Variants in GUCY1A2 observed in about 807,000 individuals in gnomAD.
The protein encoded by GUCY1A2 is guanylate cyclase soluble subunit alpha-2.
In GUCY1A2, 27 loss-of-function variants were observed where a neutral mutation model predicts 63.5. The ratio of observed to expected loss-of-function variants is 0.43; its 90% CI spans 0.31 to 0.59. The LOEUF (loss-of-function observed/expected upper bound fraction) is 0.59. GUCY1A2 is among the 20% of genes least tolerant of loss of function. The pLI, the probability that GUCY1A2 is intolerant of heterozygous loss-of-function variation, is 0.11. For missense variants in GUCY1A2, 768 were observed against 913.3 expected (o/e 0.84, Z 2.05); for synonymous variants, 364 against 343.5 (o/e 1.06, Z -0.66).
At chr11:106,889,392 A>T (rs751503301) in intron 4 of GUCY1A2, among the ~76,000 whole-genome samples, 18 of 152,174 alleles carry the variant, frequency 1.2e-4, no homozygotes, top group Non-Finnish European at 1.8e-4. Context: ...AGAGTCTCAT[A>T]AACTTCTGAA....
intron 6 of GUCY1A2, among the ~76,000 whole-genome samples, chr11:106,750,056 A>C (rs528328838): frequency 4.6e-5 from 7 of 152,194 alleles, no homozygotes; most frequent in African/African-American, 1.7e-4. Flanking sequence ...TTCTCAGTCC[A>C]AGTTGGAAAG....
chr11:106,957,889 T>TCC (rs1364009569), intron 3 of GUCY1A2, among the ~76,000 whole-genome samples: 1,407 of 99,780 alleles, frequency 0.014, 63 homozygotes, highest in Non-Finnish European at 0.021. Context: ...TTTTTTTTTT[T>TCC]CAGAAAAAAA....
chr11:106,736,716 TG>T (rs552285739), intron 6 of GUCY1A2, among the ~76,000 whole-genome samples: 473 of 152,330 alleles, frequency 3.1e-3, no homozygotes, highest in Non-Finnish European at 5.4e-3. Context: ...TAGATTGCTT[TG>T]GGTAGTATGA....
In GUCY1A2 at chr11:106,698,119, A is replaced by ATTTTTTTTTTTTTTTTTTTT. The variant is rs71470827; in HGVS notation, c.1992-10364_1992-10363insAAAAAAAAAAAAAAAAAAAA. Among the ~76,000 whole-genome samples the ATTTTTTTTTTTTTTTTTTTT allele has an allele frequency of 5.7e-4, 57 of 100,484 alleles. 3 individuals are homozygous for ATTTTTTTTTTTTTTTTTTTT. The highest frequency in any genetic ancestry group is 5.8e-4 in the Non-Finnish European group (30 of 52,018). The allele number at this position is 100,484 out of a possible 152,430, so 65.9% of individuals were successfully genotyped here. On this transcript the variant is annotated intron_variant, in intron 7 of 7. Coordinates refer to ENST00000526355, the MANE Select transcript of GUCY1A2 (RefSeq NM_000855.3). ...TTTACAGCTTTCACTGAATGTTAGA[A>ATTTTTTTTTTTTTTTTTTTT]TTTTTTTTTTTTTTTTTTTAGACAG...
At chr11:106,917,834 C>T (rs566678963) in intron 4 of GUCY1A2, among the ~76,000 whole-genome samples, 7 of 138,558 alleles carry the variant, frequency 5.1e-5, no homozygotes, top group South Asian at 2.8e-4. Context: ...GGGAGATATA[C>T]CTAATGTTAA....
chr11:106,909,595 T>C (rs1353038842), intron 4 of GUCY1A2, among the ~76,000 whole-genome samples: 1 of 151,930 alleles, frequency 6.6e-6, no homozygotes, highest in Non-Finnish European at 1.5e-5. Context: ...GTTATATAAA[T>C]TGAGTCATAC....
chr11:106,830,827 A>G (rs1029220592), intron 4 of GUCY1A2, among the ~76,000 whole-genome samples: 4 of 152,192 alleles, frequency 2.6e-5, no homozygotes, highest in African/African-American at 9.7e-5. Context: ...GAAATAATAC[A>G]TATCAAAAGC....
Position 106,939,538 on chromosome 11 carries a change from T to G in GUCY1A2, c.1128A>C (p.Glu376Asp). The G allele has an allele frequency of 6.2e-7, 1 of 1,614,010 alleles. No homozygotes were observed. ...GGGTAGACAGTCGCAGCAGGACCCT[T>G]TCAAAGGTGGCATTAACCTTTGGAG... ...IVSPKVNATFERVLLRLSTPF... is the reference protein window; with the variant it reads ...IVSPKVNATFDRVLLRLSTPF... The change falls in exon 4 of 8, where the codon GAA (glutamate) becomes GAC (aspartate). Residue 376 changes from glutamate (E) to aspartate (D), a missense_variant. Transcript: ENST00000526355.
At chr11:106,843,634 C>T (rs75217848) in intron 4 of GUCY1A2, among the ~76,000 whole-genome samples, 2,836 of 151,916 alleles carry the variant, frequency 0.019, 31 homozygotes, top group South Asian at 0.048. Context: ...AAAGGTTCTA[C>T]TTCTTCAAAC....
chr11:106,939,873 C>T lies in GUCY1A2; in HGVS notation c.793G>A (p.Asp265Asn), dbSNP rs1348673345. Residue 265 changes from aspartate (D) to asparagine (N), a missense_variant, in exon 4 of 8, where the codon GAT becomes AAT. Coordinates refer to ENST00000526355, the MANE Select transcript of GUCY1A2 (RefSeq NM_000855.3). ...TTTGCAACCTGTTCCACTTCCACAT[C>T]CAGCCGATAGATCTTCTTTCCTGCA... Reference protein sequence around the residue: ...KAAGKKIYRLDVEVEQVANEK... With the variant: ...KAAGKKIYRLNVEVEQVANEK... 1 of 1,614,048 alleles carries T rather than the reference C, an allele frequency of 6.2e-7. No individual in the cohort carries two copies.
intron 4 of GUCY1A2, among the ~76,000 whole-genome samples, chr11:106,904,199 T>C (rs1033926763): frequency 6.6e-6 from 1 of 152,176 alleles, no homozygotes; most frequent in Non-Finnish European, 1.5e-5. Flanking sequence ...CCACCTTTTC[T>C]GAACAAAGCT....
intron 6 of GUCY1A2, among the ~76,000 whole-genome samples, chr11:106,737,549 GCTCCCCACC>G (rs1460174413): frequency 3.9e-5 from 6 of 152,032 alleles, no homozygotes; most frequent in African/African-American, 1.4e-4. Flanking sequence ...CCTTCCCCTA[GCTCCCCACC>G]CTCACAACAG....
Position 106,687,610 on chromosome 11 carries a change from G to A in GUCY1A2, c.2138C>T (p.Ser713Leu), listed in dbSNP as rs745489122. 12 of 1,613,870 alleles carry A rather than the reference G, an allele frequency of 7.4e-6. No individual in the cohort carries two copies. The highest frequency in any genetic ancestry group is 4.5e-5 in the East Asian group (2 of 44,864). ...GTTGTAGGAAACCTTTTTTATTCTC[G>A]ACGAAGAAAGAGAAGGCTTTGGTGG... is the stretch of plus-strand genomic sequence containing the variant. Reference protein sequence around the residue: ...PKPPKPSLSSSRIKKVSYNIG... With the variant: ...PKPPKPSLSSLRIKKVSYNIG... The change falls in exon 8 of 8, where the codon TCG becomes TTG. Residue 713 changes from serine (S) to leucine (L), a missense_variant. Physicochemically the swap from Ser to Leu is moderately radical, Grantham distance 145. Coordinates refer to ENST00000526355, the MANE Select transcript of GUCY1A2 (RefSeq NM_000855.3).
chr11:106,920,998 T>G (rs931926549), intron 4 of GUCY1A2, among the ~76,000 whole-genome samples: 8 of 152,086 alleles, frequency 5.3e-5, no homozygotes, highest in Non-Finnish European at 7.4e-5. Context: ...GATTTTTCTT[T>G]TTATATTTTA....
At chr11:106,989,793 T>C (rs1407175028) in intron 1 of GUCY1A2, among the ~76,000 whole-genome samples, 1 of 152,012 alleles carries the variant, frequency 6.6e-6, no homozygotes, top group Non-Finnish European at 1.5e-5. Context: ...AGAGAGACAG[T>C]GATACAAGCA....
In GUCY1A2 at chr11:106,678,464, A is replaced by G. The variant is rs1369094651; in HGVS notation, c.*9085T>C. ...TGGTTAGATACATAAATATTGATCC[A>G]GATTGCCCAAACCTCAGAAGAAAGT... On this transcript the variant is annotated 3_prime_UTR_variant, in exon 8 of 8. Coordinates refer to ENST00000526355, the MANE Select transcript of GUCY1A2 (RefSeq NM_000855.3). 9.4e-6 allele frequency: 2 copies of G among 213,306 alleles called. No individual in the cohort carries two copies. Among genetic ancestry groups the G allele is most frequent in the African/African-American group, 4.5e-5 (2 of 44,276 alleles). 13.2% of individuals were successfully genotyped at this position (213,306 alleles called of 1,614,324 possible).
At chr11:106,802,012 A>G (rs1489018489) in intron 5 of GUCY1A2, among the ~76,000 whole-genome samples, 1 of 152,208 alleles carries the variant, frequency 6.6e-6, no homozygotes, top group Non-Finnish European at 1.5e-5. Context: ...TTTTGCTTTC[A>G]GAAATTTTCA....
intron 1 of GUCY1A2, among the ~76,000 whole-genome samples, chr11:106,988,663 G>A (rs1298507661): frequency 6.6e-6 from 1 of 152,186 alleles, no homozygotes; most frequent in Non-Finnish European, 1.5e-5. Flanking sequence ...GCTTCAGGTT[G>A]ATAAAGCATT....
At chr11:106,927,690 G>C (rs893217627) in intron 4 of GUCY1A2, among the ~76,000 whole-genome samples, 4 of 151,380 alleles carry the variant, frequency 2.6e-5, no homozygotes, top group Admixed American at 2.0e-4. Flanking sequence ...TCAACGTCCT[G>C]AGTAGCCGGG....
Sources: gnomAD v4.1 joint callset for allele counts (sites outside exome capture counted in the v4.1 genomes callset) on GRCh38, gnomAD v4.1.1 for gene constraint, MANE v1.5 for transcripts, NCBI Gene and HGNC (gene_info 2026-07-23, HGNC 2026-07-21) for gene names.